The following GPBP1 variants were observed in gnomAD, a reference collection of about 807,000 sequenced individuals.
The protein encoded by GPBP1 is GC-rich promoter binding protein 1.
In GPBP1, 13 loss-of-function variants were observed where a neutral mutation model predicts 56.5. That is an observed-to-expected ratio of 0.23 (90% CI 0.15 to 0.37). The LOEUF (loss-of-function observed/expected upper bound fraction) is 0.37. GPBP1 is among the 10% of genes least tolerant of loss of function. GPBP1 has a pLI of 1.00. For synonymous variants in GPBP1, 204 were observed against 188.9 expected, an observed-to-expected ratio of 1.08 and a Z score of -0.66; for missense variants, 477 against 572.3, an observed-to-expected ratio of 0.83 and a Z score of 1.70.
intron 2 of GPBP1, among the ~76,000 whole-genome samples, chr5:57,210,858 T>C (rs1332198645): frequency 6.6e-6 from 1 of 152,184 alleles, no homozygotes; most frequent in Non-Finnish European, 1.5e-5. Context: ...TGTCCAAATT[T>C]CTTATAAGGG....
At chr5:57,235,317 A>AG (rs1303588707) in intron 5 of GPBP1, among the ~76,000 whole-genome samples, 1 of 152,022 alleles carries the variant, frequency 6.6e-6, no homozygotes, top group African/African-American at 2.4e-5. Context: ...AAAAAAAAAA[A>AG]TCTGATTTTC....
At chr5:57,195,818 T>C (rs550418641) in intron 2 of GPBP1, among the ~76,000 whole-genome samples, 1 of 151,532 alleles carries the variant, frequency 6.6e-6, no homozygotes, top group East Asian at 2.0e-4. Flanking sequence ...TCCTGGCCAA[T>C]GTGATGAAAC....
chr5:57,193,331 T>C (rs1472143004), intron 2 of GPBP1, among the ~76,000 whole-genome samples: 1 of 151,602 alleles, frequency 6.6e-6, no homozygotes, highest in Non-Finnish European at 1.5e-5. Context: ...AGAAACTGCC[T>C]AGGCCGAGTG....
At chr5:57,219,936 T>A (rs1372111475) in intron 3 of GPBP1, among the ~76,000 whole-genome samples, 1 of 151,152 alleles carries the variant, frequency 6.6e-6, no homozygotes, top group African/African-American at 2.4e-5. Flanking sequence ...CCTGTAATCC[T>A]AGCTACTCGG....
chr5:57,216,317 C>T (rs1580016906), intron 3 of GPBP1, among the ~76,000 whole-genome samples: 1 of 152,212 alleles, frequency 6.6e-6, no homozygotes, highest in East Asian at 1.9e-4. Context: ...TTCTTGATTA[C>T]AGCTGCCCAG....
intron 3 of GPBP1, among the ~76,000 whole-genome samples, chr5:57,226,553 CTTTTTTTTTT>C (rs34180383): frequency 1.6e-5 from 1 of 62,124 alleles, no homozygotes; most frequent in East Asian, 6.3e-4. Flanking sequence ...AGCATTTTTG[CTTTTTTTTTT>C]TTTTTTTTTT....
intron 2 of GPBP1, among the ~76,000 whole-genome samples, chr5:57,211,636 T>C (rs941040827): frequency 9.9e-5 from 15 of 151,968 alleles, no homozygotes; most frequent in African/African-American, 3.6e-4. Flanking sequence ...CAGGCTGGAG[T>C]GCAATGGCGC....
chr5:57,214,375 C>A (rs989668245), intron 3 of GPBP1, among the ~76,000 whole-genome samples, 182 bp downstream of exon 3: 1 of 152,038 alleles, frequency 6.6e-6, no homozygotes, highest in African/African-American at 2.4e-5. Flanking sequence ...CACCTGAGGT[C>A]AGGAGTTGAA....
At chr5:57,197,978 CT>C (rs531684600) in intron 2 of GPBP1, among the ~76,000 whole-genome samples, 141 of 151,988 alleles carry the variant, frequency 9.3e-4, no homozygotes, top group African/African-American at 3.3e-3. Flanking sequence ...AGCCAAATAT[CT>C]TTTGGTGCCA....
chr5:57,196,681 T>C (rs1413240288), intron 2 of GPBP1, among the ~76,000 whole-genome samples: 2 of 151,732 alleles, frequency 1.3e-5, no homozygotes, highest in African/African-American at 4.8e-5. Context: ...CAACCTCGAC[T>C]TGCTGGGCTC....
At chr5:57,218,469 G>GGTGGT (rs1469459280) in intron 3 of GPBP1, among the ~76,000 whole-genome samples, 3 of 152,172 alleles carry the variant, frequency 2.0e-5, no homozygotes, top group Non-Finnish European at 2.9e-5. Context: ...GGTGAGGGGA[G>GGTGGT]GTGGTGTGGT....
chr5:57,217,602 A>G (rs1473254323), intron 3 of GPBP1, among the ~76,000 whole-genome samples: 14 of 152,120 alleles, frequency 9.2e-5, no homozygotes, highest in African/African-American at 3.4e-4. Flanking sequence ...ACAAAAAAAC[A>G]CAACTACAAG....
intron 3 of GPBP1, among the ~76,000 whole-genome samples, chr5:57,219,219 T>C (rs983357306): frequency 6.7e-6 from 1 of 150,344 alleles, no homozygotes; most frequent in Non-Finnish European, 1.5e-5. Context: ...CTACTAAAAA[T>C]ACAAAAATTA....
At chr5:57,252,224 C>T (rs1185429863) in intron 10 of GPBP1, among the ~76,000 whole-genome samples, 1 of 145,194 alleles carries the variant, frequency 6.9e-6, no homozygotes, top group East Asian at 2.1e-4. Context: ...GCTGGGATTA[C>T]AGGCTTGCAC....
intron 6 of GPBP1, among the ~76,000 whole-genome samples, chr5:57,238,740 T>G (rs1208692601): frequency 1.3e-5 from 2 of 152,136 alleles, no homozygotes. Flanking sequence ...TTAAGCATGG[T>G]CTTCTTCCAA....
chr5:57,212,064 G>C (rs1275807979), intron 2 of GPBP1, among the ~76,000 whole-genome samples: 2 of 152,006 alleles, frequency 1.3e-5, no homozygotes, highest in Non-Finnish European at 2.9e-5. Flanking sequence ...AGCCCCCTGA[G>C]AAGCTGGGAT....
In GPBP1 at chr5:57,252,422, ACT is replaced by A. The variant is rs575796518; in HGVS notation, c.1160+1284_1160+1285del. Among the ~76,000 whole-genome samples, 9 of 152,072 alleles carry A rather than the reference ACT, an allele frequency of 5.9e-5. No individual in the cohort carries two copies. The South Asian group carries it at 1.9e-3, about 32-fold the overall frequency. On this transcript the variant is annotated intron_variant, in intron 10 of 11. Transcript: ENST00000506184. ...GATTTATTTTTCGAGACAGTGTCTCACTCTGTCACCCAGGCCGGAGTGCAGTG... is the reference window on the plus strand; with the variant it reads ...GATTTATTTTTCGAGACAGTGTCTCACTGTCACCCAGGCCGGAGTGCAGTG...
chr5:57,211,741 G>A (rs984992907), intron 2 of GPBP1, among the ~76,000 whole-genome samples: 4 of 151,578 alleles, frequency 2.6e-5, no homozygotes, highest in Non-Finnish European at 5.9e-5. Context: ...GCACCACCAC[G>A]CCCGGCTAAT....
At chr5:57,185,457 C>G (rs1261496111) in intron 2 of GPBP1, among the ~76,000 whole-genome samples, 1 of 151,832 alleles carries the variant, frequency 6.6e-6, no homozygotes, top group Non-Finnish European at 1.5e-5. Context: ...TTAGTAGAAA[C>G]GGGGTTTCAT....
Sources: allele counts gnomAD v4.1 joint callset (sites outside exome capture counted in the v4.1 genomes callset), GRCh38; gene constraint gnomAD v4.1.1; transcripts MANE v1.5; gene names NCBI Gene and HGNC (gene_info 2026-07-23, HGNC 2026-07-21).